Variants in NCOA7 observed in about 807,000 individuals in gnomAD.
NCOA7 encodes the protein 140 kDa estrogen receptor-associated protein.
NCOA7 carries 45 observed loss-of-function variants against 104.3 expected under a neutral mutation model. The ratio of observed to expected loss-of-function variants is 0.43; its 90% CI spans 0.34 to 0.55. The LOEUF is 0.55. Among genes scored for constraint, NCOA7 ranks in the 20% least tolerant of loss-of-function variants. The pLI is 0.02. For missense variants in NCOA7, 1,041 were observed against 1,119.7 expected, an observed-to-expected ratio of 0.93 and a Z score of 1.00; for synonymous variants, 398 against 402.3, an observed-to-expected ratio of 0.99 and a Z score of 0.13.
chr6:125,921,678 T>C (rs981723647), intron 12 of NCOA7, among the ~76,000 whole-genome samples: 1 of 152,178 alleles, frequency 6.6e-6, no homozygotes. Flanking sequence ...CTAATATGCT[T>C]TAAAAAGGAT....
chr6:125,848,471 T>TA (rs1452588202), intron 2 of NCOA7, among the ~76,000 whole-genome samples: 4 of 151,998 alleles, frequency 2.6e-5, no homozygotes, highest in Admixed American at 2.6e-4. Context: ...CATGCAGCCA[T>TA]AAAAAAGGAT....
intron 11 of NCOA7, chr6:125,919,163 TC>T: frequency 7.1e-7 from 1 of 1,402,296 alleles, no homozygotes; most frequent in Non-Finnish European, 9.6e-7. Flanking sequence ...TTGCTCTAAA[TC>T]CTAATTTGGG....
chr6:125,881,171 T>A lies in NCOA7; in HGVS notation c.541T>A (p.Ser181Thr). 6.2e-7 allele frequency: 1 copy of A among 1,613,566 alleles called. No homozygotes were observed. The highest frequency in any genetic ancestry group is 1.1e-5 in the South Asian group (1 of 91,074). The change falls in exon 6 of 16, where the codon TCA becomes ACA. Residue 181 changes from serine (S) to threonine (T), a missense_variant. By Grantham distance (58) the Ser-to-Thr change is moderately conservative. Transcript: ENST00000392477. ...CAGTCCTGGTGCTACTGTCTCTCCT[T>A]CATCATCAGATGCAGAATATGATAA... ...SSSPGATVSP[S>T]SSDAEYDKLP... is the part of the protein sequence containing the mutation.
rs1399948372 is a variant in NCOA7, at chr6:125,930,628, A to G, written c.*1857A>G. The G allele has an allele frequency of 6.6e-6, 1 of 152,606 alleles. No homozygotes were observed. Among genetic ancestry groups the G allele is most frequent in the Non-Finnish European group, 1.5e-5 (1 of 68,050 alleles). The allele number at this position is 152,606 out of a possible 1,614,324, so 9.5% of individuals were successfully genotyped here. On this transcript the variant is annotated 3_prime_UTR_variant, in exon 16 of 16. Transcript: ENST00000392477. ...TATTTTAGACATTTTGTGAAAGAGA[A>G]CAAATTGTCCAGTGGCCTCCTGTCA... is the stretch of plus-strand genomic sequence containing the variant.
intron 1 of NCOA7, among the ~76,000 whole-genome samples, chr6:125,810,827 A>T (rs1776929712): frequency 6.6e-6 from 1 of 152,222 alleles, no homozygotes; most frequent in African/African-American, 2.4e-5. Context: ...TAAACCAAAG[A>T]TTAGCATATT....
At chr6:125,802,945 A>G in intron 1 of NCOA7, among the ~76,000 whole-genome samples, 1 of 152,026 alleles carries the variant, frequency 6.6e-6, no homozygotes, top group East Asian at 1.9e-4. Flanking sequence ...ACTTTTTCTT[A>G]TGTCTTGTTC....
chr6:125,798,945 C>T (rs898845867), intron 1 of NCOA7, among the ~76,000 whole-genome samples: 2 of 152,150 alleles, frequency 1.3e-5, no homozygotes, highest in African/African-American at 4.8e-5. Context: ...TTCACCCACG[C>T]ATCATCTGCT....
intron 11 of NCOA7, among the ~76,000 whole-genome samples, chr6:125,918,377 G>T (rs1247732011): frequency 6.6e-6 from 1 of 152,174 alleles, no homozygotes; most frequent in South Asian, 2.1e-4. Context: ...TTCTGTCCCA[G>T]GTTGTGCTCA....
chr6:125,797,804 A>G (rs1415354296), intron 1 of NCOA7: 1 of 152,212 alleles, frequency 6.6e-6, no homozygotes, highest in African/African-American at 2.4e-5. Flanking sequence ...GATTTCCCCC[A>G]GGGTTCTGCC....
At chr6:125,828,945 G>A (rs1031399004) in intron 2 of NCOA7, among the ~76,000 whole-genome samples, 2 of 151,922 alleles carry the variant, frequency 1.3e-5, no homozygotes, top group South Asian at 2.1e-4. Flanking sequence ...ATGGAGCCAG[G>A]GTCTCTTCCT....
At chr6:125,795,300 G>C (rs1253138166) in intron 1 of NCOA7, among the ~76,000 whole-genome samples, 1 of 152,184 alleles carries the variant, frequency 6.6e-6, no homozygotes, top group Non-Finnish European at 1.5e-5. Flanking sequence ...TTTTTACATA[G>C]AGGCATCTCA....
chr6:125,897,143 T>C (rs192693082), intron 10 of NCOA7, among the ~76,000 whole-genome samples: 2 of 152,344 alleles, frequency 1.3e-5, no homozygotes, highest in African/African-American at 2.4e-5. Flanking sequence ...GTTTAAAAGG[T>C]ATAATCTATG....
upstream of NCOA7, among the ~76,000 whole-genome samples, chr6:125,787,474 C>T (rs572858314): frequency 5.3e-5 from 8 of 152,260 alleles, no homozygotes; most frequent in Admixed American, 2.0e-4. Flanking sequence ...ACAGGCTCAG[C>T]GAAACAAACA....
chr6:125,823,142 C>T (rs562203353), intron 2 of NCOA7, among the ~76,000 whole-genome samples: 2 of 152,238 alleles, frequency 1.3e-5, no homozygotes, highest in Non-Finnish European at 2.9e-5. Context: ...ATTTCCATAG[C>T]TCTTATTTGT....
chr6:125,921,424 T>A (rs986391176), intron 12 of NCOA7, among the ~76,000 whole-genome samples: 2 of 151,276 alleles, frequency 1.3e-5, no homozygotes, highest in Non-Finnish European at 2.9e-5. Flanking sequence ...AAAAAAAAAA[T>A]TCCCATCCCT....
At chr6:125,851,903 G>A (rs1261871343) in intron 2 of NCOA7, among the ~76,000 whole-genome samples, 26 of 148,238 alleles carry the variant, frequency 1.8e-4, no homozygotes, top group Admixed American at 1.6e-3. Context: ...TTTTTTTTTC[G>A]AGAAATATCT....
chr6:125,846,366 T>A (rs1220121212), intron 2 of NCOA7, among the ~76,000 whole-genome samples: 15 of 77,494 alleles, frequency 1.9e-4, no homozygotes, highest in East Asian at 7.4e-4. Flanking sequence ...AAAAAATTTT[T>A]TTTTTTTTTT....
chr6:125,822,439 A>G (rs1778272083), intron 2 of NCOA7, among the ~76,000 whole-genome samples: 1 of 152,232 alleles, frequency 6.6e-6, no homozygotes, highest in Admixed American at 6.5e-5. Flanking sequence ...AAATGATCCT[A>G]CAAATAAATA....
At position 125,855,089 on chromosome 6, in the gene NCOA7, T is replaced by G; in HGVS notation, c.120T>G (p.Thr40=). 2 of 1,613,300 alleles carry G rather than the reference T, an allele frequency of 1.2e-6. No individual in the cohort carries two copies. Among genetic ancestry groups the G allele is most frequent in the East Asian group, 4.5e-5 (2 of 44,830 alleles). Residue 40 remains threonine, a synonymous_variant, in exon 3 of 16, where the codon ACT becomes ACG. Coordinates refer to ENST00000392477, the MANE Select transcript of NCOA7 (RefSeq NM_181782.5). The part of the protein sequence containing the change: ...TASAVATRTH[T]GKEDNNTVVL... ...CAGCTGTAGCTACAAGGACTCATACTGGGAAGGAAGATAATAATACAGTAG... is the reference window on the plus strand; with the variant it reads ...CAGCTGTAGCTACAAGGACTCATACGGGGAAGGAAGATAATAATACAGTAG...
Sources: gnomAD v4.1 joint callset for allele counts (sites outside exome capture counted in the v4.1 genomes callset) on GRCh38, gnomAD v4.1.1 for gene constraint, MANE v1.5 for transcripts, NCBI Gene and HGNC (gene_info 2026-07-23, HGNC 2026-07-21) for gene names.